Variants in PRR16 observed in about 807,000 individuals in gnomAD.
PRR16 encodes protein Largen.
Under a neutral mutation model 18.2 loss-of-function variants are expected in PRR16, and 6 were observed. The ratio of observed to expected loss-of-function variants is 0.33; its 90% CI spans 0.18 to 0.65. The LOEUF is 0.65. Ranked by LOEUF, PRR16 falls within the 30% of genes least tolerant of loss-of-function variation. The probability of loss-of-function intolerance (pLI) is 0.74; values close to 1 mark genes in which losing one functional copy is unlikely to be tolerated. For missense variants in PRR16, 412 were observed against 376.6 expected, an observed-to-expected ratio of 1.09 and a Z score of -0.78; for synonymous variants, 151 against 147.8, an observed-to-expected ratio of 1.02 and a Z score of -0.16.
At chr5:120,517,997 A>G (rs929182091) in intron 1 of PRR16, among the ~76,000 whole-genome samples, 1 of 152,220 alleles carries the variant, frequency 6.6e-6, no homozygotes. Context: ...GTTTTGTGTC[A>G]CTATAATGAT....
chr5:120,659,966 G>A (rs1366307900), intron 1 of PRR16, among the ~76,000 whole-genome samples: 2 of 151,976 alleles, frequency 1.3e-5, no homozygotes, highest in African/African-American at 2.4e-5. Context: ...CAGAGCCCCA[G>A]TACTTCTCAC....
chr5:120,686,431 T>G lies in PRR16; in HGVS notation c.637T>G (p.Tyr213Asp). Residue 213 changes from tyrosine to aspartate, a missense_variant, in exon 2 of 2, where the codon TAC (tyrosine) becomes GAC (aspartate). Transcript: ENST00000407149. ...ERVRFNEKVQ[Y>D]HGYCPDCDTR... ...AGTTCGGTTTAATGAAAAAGTACAG[T>G]ACCATGGCTATTGTCCTGACTGTGA... 6.2e-7 allele frequency: 1 copy of G among 1,614,092 alleles called. No individual in the cohort carries two copies. The highest frequency in any genetic ancestry group is 1.1e-5 in the South Asian group (1 of 91,078).
the PRR16 span, among the ~76,000 whole-genome samples, chr5:120,773,442 G>C: frequency 1.3e-5 from 2 of 152,112 alleles, no homozygotes; most frequent in African/African-American, 2.4e-5. Flanking sequence ...GTTCTAGTCA[G>C]TAGTAGGAGG....
downstream of PRR16, among the ~76,000 whole-genome samples, chr5:120,687,607 G>A (rs992280322): frequency 1.3e-5 from 2 of 152,172 alleles, no homozygotes; most frequent in Non-Finnish European, 2.9e-5. Flanking sequence ...GCTGTAGGGT[G>A]TTTTGCCTCC....
intron 1 of PRR16, among the ~76,000 whole-genome samples, chr5:120,623,856 G>A (rs1007529387): frequency 1.3e-5 from 2 of 151,912 alleles, no homozygotes; most frequent in African/African-American, 4.8e-5. Flanking sequence ...CCTTTAAAAT[G>A]TGAATAAGGA....
At chr5:120,562,057 T>A (rs1389906738) in intron 1 of PRR16, among the ~76,000 whole-genome samples, 4 of 152,182 alleles carry the variant, frequency 2.6e-5, no homozygotes, top group Non-Finnish European at 5.9e-5. Flanking sequence ...GGGAGATCTG[T>A]TCAATCCTGA....
chr5:120,655,299 CA>C, intron 1 of PRR16, among the ~76,000 whole-genome samples: 1 of 149,116 alleles, frequency 6.7e-6, no homozygotes, highest in African/African-American at 2.5e-5. Context: ...TTTACCTGTA[CA>C]AATTACTAAA....
intron 1 of PRR16, among the ~76,000 whole-genome samples, chr5:120,662,748 T>C (rs1441884555): frequency 1.3e-5 from 2 of 152,134 alleles, no homozygotes; most frequent in Admixed American, 6.6e-5. Flanking sequence ...GTTTCTCTCA[T>C]GTCTAAGATT....
chr5:120,707,698 C>A, the PRR16 span, among the ~76,000 whole-genome samples: 1 of 152,108 alleles, frequency 6.6e-6, no homozygotes, highest in Non-Finnish European at 1.5e-5. Context: ...AAATTTGGGT[C>A]TGCACTACTC....
At chr5:120,756,784 AG>A in the PRR16 span, among the ~76,000 whole-genome samples, 1 of 152,138 alleles carries the variant, frequency 6.6e-6, no homozygotes, top group Non-Finnish European at 1.5e-5. Context: ...GCTGTGCAGA[AG>A]CTCTTTAGTT....
chr5:120,781,237 G>A, the PRR16 span: 4 of 151,870 alleles, frequency 2.6e-5, no homozygotes, highest in African/African-American at 9.7e-5. Flanking sequence ...TGAAGCGTCT[G>A]AAACAAGACT....
chr5:120,670,143 T>A (rs753122631), intron 1 of PRR16, among the ~76,000 whole-genome samples: 1 of 152,160 alleles, frequency 6.6e-6, no homozygotes, highest in Non-Finnish European at 1.5e-5. Flanking sequence ...ACAGTTTTCA[T>A]ATGTTCATTG....
At chr5:120,713,421 A>T in the PRR16 span, among the ~76,000 whole-genome samples, 1 of 152,126 alleles carries the variant, frequency 6.6e-6, no homozygotes, top group Admixed American at 6.6e-5. Flanking sequence ...CAGAAGAATT[A>T]TTTTTTCTTA....
At chr5:120,466,703 AAAAG>A (rs1382273320) in intron 1 of PRR16, among the ~76,000 whole-genome samples, 2 of 152,202 alleles carry the variant, frequency 1.3e-5, no homozygotes, top group Non-Finnish European at 2.9e-5. Flanking sequence ...AAGGTTAAAA[AAAAG>A]GTTGTTTATA....
intron 1 of PRR16, chr5:120,481,373 T>A: frequency 3.0e-6 from 1 of 332,708 alleles, no homozygotes; most frequent in Non-Finnish European, 6.0e-6. Flanking sequence ...TCAGGTGATC[T>A]GTCTGCCTTA....
chr5:120,579,822 C>T (rs1367473671), intron 1 of PRR16, among the ~76,000 whole-genome samples: 2 of 152,104 alleles, frequency 1.3e-5, no homozygotes, highest in South Asian at 2.1e-4. Context: ...TTTACAAGGG[C>T]AGTATGGCCA....
chr5:120,620,389 A>G, intron 1 of PRR16, among the ~76,000 whole-genome samples: 1 of 152,134 alleles, frequency 6.6e-6, no homozygotes, highest in East Asian at 1.9e-4. Context: ...ACCTGCAGGA[A>G]AATGTGCTTA....
chr5:120,586,983 C>T (rs1318385622), intron 1 of PRR16, among the ~76,000 whole-genome samples: 1 of 152,194 alleles, frequency 6.6e-6, no homozygotes, highest in African/African-American at 2.4e-5. Flanking sequence ...AAAAGTACTT[C>T]TCTGGTGAAC....
intron 1 of PRR16, among the ~76,000 whole-genome samples, chr5:120,536,575 A>G (rs997290374): frequency 6.6e-6 from 1 of 152,328 alleles, no homozygotes; most frequent in African/African-American, 2.4e-5. Context: ...ATGAATGAAG[A>G]GAAAACATGT....
Sources: allele counts gnomAD v4.1 joint callset (sites outside exome capture counted in the v4.1 genomes callset), GRCh38; gene constraint gnomAD v4.1.1; transcripts MANE v1.5; gene names NCBI Gene and HGNC (gene_info 2026-07-23, HGNC 2026-07-21).